Variants in GALNTL6 observed in about 807,000 individuals in gnomAD.
GALNTL6 encodes the protein polypeptide N-acetylgalactosaminyltransferase like 6, also known as polypeptide N-acetylgalactosaminyltransferase-like 6.
GALNTL6 carries 46 observed loss-of-function variants against 73.7 expected under a neutral mutation model. The ratio of observed to expected loss-of-function variants is 0.62; its 90% CI spans 0.49 to 0.80. The LOEUF (loss-of-function observed/expected upper bound fraction) is 0.80. GALNTL6 is among the 30% of genes least tolerant of loss of function. The probability of loss-of-function intolerance (pLI) is 0.00; values close to 1 mark genes in which losing one functional copy is unlikely to be tolerated. For synonymous variants in GALNTL6, 259 were observed against 263.7 expected (o/e 0.98, Z 0.17); for missense variants, 604 against 755.0 (o/e 0.80, Z 2.34).
At chr4:172,133,336 G>A (rs2111022696) in intron 2 of GALNTL6, among the ~76,000 whole-genome samples, 1 of 152,266 alleles carries the variant, frequency 6.6e-6, no homozygotes, top group South Asian at 2.1e-4. Context: ...AATCTACATA[G>A]TTGCACATTT....
chr4:173,034,059 T>C (rs1370456492), intron 12 of GALNTL6, among the ~76,000 whole-genome samples: 2 of 152,204 alleles, frequency 1.3e-5, no homozygotes, highest in African/African-American at 2.4e-5. Context: ...CTTGCCTGAA[T>C]ACAGCTTTTC....
intron 3 of GALNTL6, among the ~76,000 whole-genome samples, chr4:172,309,898 G>A (rs1035368054): frequency 1.3e-5 from 2 of 151,896 alleles, no homozygotes. Flanking sequence ...AATTGCATAG[G>A]ACTAAAAGAA....
intron 2 of GALNTL6, among the ~76,000 whole-genome samples, chr4:171,964,118 G>A (rs1399143924): frequency 6.6e-6 from 1 of 151,790 alleles, no homozygotes; most frequent in Non-Finnish European, 1.5e-5. Context: ...GGAAATTTTG[G>A]CTCTGAGAAC....
intron 4 of GALNTL6, among the ~76,000 whole-genome samples, chr4:172,313,079 ATATGC>A (rs1488977314): frequency 2.6e-5 from 4 of 151,832 alleles, no homozygotes; most frequent in Non-Finnish European, 4.4e-5. Context: ...GGCATAATAA[ATATGC>A]TAAGAGAGTA....
chr4:172,579,267 T>C (rs547972849), intron 5 of GALNTL6, among the ~76,000 whole-genome samples: 1 of 152,324 alleles, frequency 6.6e-6, no homozygotes, highest in South Asian at 2.1e-4. Context: ...GATATAGCTT[T>C]GGTATATAAT....
intron 5 of GALNTL6, among the ~76,000 whole-genome samples, chr4:172,472,098 G>T (rs1733074946): frequency 6.6e-6 from 1 of 152,136 alleles, no homozygotes. Context: ...ATTCATAGAA[G>T]TTTTAGAAAA....
intron 7 of GALNTL6, among the ~76,000 whole-genome samples, chr4:172,874,336 G>A (rs1258815346): frequency 6.6e-6 from 1 of 152,162 alleles, no homozygotes; most frequent in East Asian, 1.9e-4. Context: ...TGTGGAAACA[G>A]ATAGACTAGA....
At chr4:171,831,096 T>C (rs1259046262) in intron 2 of GALNTL6, among the ~76,000 whole-genome samples, 1 of 152,076 alleles carries the variant, frequency 6.6e-6, no homozygotes, top group Non-Finnish European at 1.5e-5. Context: ...TTATTTTAAT[T>C]TGAATGCTTC....
At chr4:172,322,855 A>AG (rs1336650369) in intron 4 of GALNTL6, among the ~76,000 whole-genome samples, 2 of 152,292 alleles carry the variant, frequency 1.3e-5, no homozygotes, top group East Asian at 3.9e-4. Flanking sequence ...AGAAAAAAAA[A>AG]GAATGAAGAA....
At chr4:172,927,535 A>G (rs1174193220) in intron 8 of GALNTL6, among the ~76,000 whole-genome samples, 1 of 152,148 alleles carries the variant, frequency 6.6e-6, no homozygotes, top group Non-Finnish European at 1.5e-5. Context: ...GCAAATTCAA[A>G]AAAAGGCACA....
At chr4:172,251,380 TA>T (rs1737866652) in intron 3 of GALNTL6, among the ~76,000 whole-genome samples, 2 of 152,146 alleles carry the variant, frequency 1.3e-5, no homozygotes, top group Admixed American at 1.3e-4. Context: ...AAAACATCCA[TA>T]ATAATGTTTG....
rs1579816395 is a variant in GALNTL6, at chr4:173,041,204, T to C, written c.*1104T>C. Reference sequence around the variant, plus strand: ...GCTTTTGTTTTTTATTTTTTTCTTGTTTTTTTTTTGTAGTGTTGAATTAAT... The same window carrying C: ...GCTTTTGTTTTTTATTTTTTTCTTGCTTTTTTTTTGTAGTGTTGAATTAAT... On this transcript the variant is annotated 3_prime_UTR_variant, in exon 13 of 13. Transcript: ENST00000506823. 1 of 117,814 alleles carries C rather than the reference T, an allele frequency of 8.5e-6. No individual in the cohort carries two copies. The highest frequency in any genetic ancestry group is 3.7e-5 in the African/African-American group (1 of 26,930). The allele number at this position is 117,814 out of a possible 1,614,324, so 7.3% of individuals were successfully genotyped here.
In GALNTL6 at chr4:172,311,740, T is replaced by C; in HGVS notation, c.374T>C (p.Ile125Thr). 1 of 1,593,070 alleles carries C rather than the reference T, an allele frequency of 6.3e-7. No individual in the cohort carries two copies. Among genetic ancestry groups the C allele is most frequent in the Non-Finnish European group, 8.6e-7 (1 of 1,167,366 alleles). The change falls in exon 4 of 13, where the codon ATT becomes ACT. Residue 125 changes from isoleucine (I) to threonine (T), a missense_variant. Physicochemically the swap from Ile to Thr is moderately conservative, Grantham distance 89. This residue lies in a region of GALNTL6 where 141 missense variants were observed against 156.6 expected (regional missense o/e 0.90). Coordinates refer to ENST00000506823, the MANE Select transcript of GALNTL6 (RefSeq NM_001034845.3). ...GCTCTAGAGAGGTCTCTGCCAGATA[T>C]TCGTCATGCTAAGTGAGTATCAGCA... Reference protein sequence around the residue: ...NIALERSLPDIRHANCKHKMY... With the variant: ...NIALERSLPDTRHANCKHKMY...
intron 5 of GALNTL6, among the ~76,000 whole-genome samples, chr4:172,788,400 C>T (rs942166795): frequency 2.0e-5 from 3 of 151,920 alleles, no homozygotes; most frequent in Admixed American, 2.0e-4. Flanking sequence ...GGGCCGGGCG[C>T]GGTGGCTCAC....
At chr4:171,878,846 G>A (rs1736357583) in intron 2 of GALNTL6, among the ~76,000 whole-genome samples, 1 of 152,104 alleles carries the variant, frequency 6.6e-6, no homozygotes, top group South Asian at 2.1e-4. Context: ...CTGTTACTGT[G>A]ATAGTGAGTT....
intron 10 of GALNTL6, among the ~76,000 whole-genome samples, chr4:172,970,872 G>A (rs1409353297): frequency 1.3e-5 from 2 of 152,190 alleles, no homozygotes; most frequent in African/African-American, 4.8e-5. Context: ...ACAGGTGTAA[G>A]CAAATATAAA....
intron 5 of GALNTL6, among the ~76,000 whole-genome samples, chr4:172,711,028 A>G (rs1246838555): frequency 6.6e-6 from 1 of 152,160 alleles, no homozygotes; most frequent in African/African-American, 2.4e-5. Context: ...ACCTAGAGAG[A>G]GAGCAAGACC....
intron 2 of GALNTL6, among the ~76,000 whole-genome samples, chr4:171,905,972 T>C (rs1370114478): frequency 1.3e-5 from 2 of 150,968 alleles, no homozygotes; most frequent in African/African-American, 4.9e-5. Context: ...CATACCAGAA[T>C]CTCTGGGACA....
At chr4:172,525,146 T>C (rs747704601) in intron 5 of GALNTL6, among the ~76,000 whole-genome samples, 21 of 152,376 alleles carry the variant, frequency 1.4e-4, no homozygotes, top group Non-Finnish European at 2.6e-4. Context: ...AGCACACTTA[T>C]AATTGTCAAA....
Sources: gnomAD v4.1 joint callset for allele counts (sites outside exome capture counted in the v4.1 genomes callset) on GRCh38, gnomAD v4.1.1 for gene constraint, gnomAD v4.1.1 regional missense constraint, MANE v1.5 for transcripts, NCBI Gene and HGNC (gene_info 2026-07-23, HGNC 2026-07-21) for gene names.